SYPL1: variants seen among roughly 807,000 people sequenced by gnomAD.
SYPL1 encodes the protein synaptophysin like 1.
A neutral mutation model predicts 23.7 loss-of-function variants in SYPL1; 6 were observed. The ratio of observed to expected loss-of-function variants is 0.25; its 90% CI spans 0.14 to 0.50. The LOEUF (loss-of-function observed/expected upper bound fraction) is 0.50, where lower values mean the gene tolerates loss of function less well. SYPL1 is among the 20% of genes least tolerant of loss of function. The pLI, the probability that SYPL1 is intolerant of heterozygous loss-of-function variation, is 0.98. For synonymous variants in SYPL1, 102 were observed against 104.5 expected, an observed-to-expected ratio of 0.98 and a Z score of 0.15; for missense variants, 253 against 288.9, an observed-to-expected ratio of 0.88 and a Z score of 0.90.
intron 4 of SYPL1, 110 bp from the exon 5 acceptor site, chr7:106,092,049 G>A (rs1585932930): frequency 1.5e-5 from 16 of 1,077,748 alleles, no homozygotes; most frequent in East Asian, 2.6e-5. Flanking sequence ...TAGGAAGTAC[G>A]CCATTATTTC....
chr7:106,092,691 A>AAT, intron 4 of SYPL1: 1 of 505,884 alleles, frequency 2.0e-6, no homozygotes, highest in Non-Finnish European at 3.6e-6. Flanking sequence ...AAAAAAAAAA[A>AAT]GAAATTAATC....
chr7:106,111,488 G>A (rs1004822945), intron 1 of SYPL1, among the ~76,000 whole-genome samples: 1 of 152,198 alleles, frequency 6.6e-6, no homozygotes, highest in African/African-American at 2.4e-5. Flanking sequence ...TAAACAGGAT[G>A]TTGTTTGGAA....
intron 3 of SYPL1, among the ~76,000 whole-genome samples, chr7:106,094,986 G>A (rs564117630): frequency 7.2e-5 from 11 of 152,286 alleles, no homozygotes; most frequent in Non-Finnish European, 1.3e-4. Flanking sequence ...GCCACCTGGA[G>A]CTCTGCAATG....
intron 3 of SYPL1, among the ~76,000 whole-genome samples, chr7:106,093,512 C>T (rs1250533569): frequency 6.6e-6 from 1 of 152,108 alleles, no homozygotes; most frequent in Non-Finnish European, 1.5e-5. Context: ...TCCCATTTTC[C>T]CATAACACCT....
chr7:106,097,805 G>A lies in SYPL1; in HGVS notation c.287C>T (p.Ser96Phe). ...TGCAAAGGTAACATAGAATTGTGCAGAAGAAGAGTAATCGCCTATGAGGAC... is the reference window on the plus strand; with the variant it reads ...TGCAAAGGTAACATAGAATTGTGCAAAAGAAGAGTAATCGCCTATGAGGAC... ...DYVLIGDYSS[S>F]AQFYVTFAVF... Residue 96 changes from serine to phenylalanine, a missense_variant, in exon 3 of 5, where the codon TCT (serine) becomes TTT (phenylalanine). By Grantham distance (155) the Ser-to-Phe change is radical. Coordinates refer to ENST00000455385, the MANE Select transcript of SYPL1 (RefSeq NM_182715.4). The surrounding 1 kb of genome is among the most constrained non-coding windows in gnomAD (Gnocchi z 4.6). The A allele has an allele frequency of 6.2e-7, 1 of 1,614,088 alleles. No individual in the cohort carries two copies. Among genetic ancestry groups the A allele is most frequent in the Non-Finnish European group, 8.5e-7 (1 of 1,179,978 alleles).
rs1215054713 is a variant in SYPL1, at chr7:106,096,634, G to A, written c.402+1056C>T. Among the ~76,000 whole-genome samples the A allele has an allele frequency of 6.6e-6, 1 of 152,178 alleles. No individual in the cohort carries two copies. The highest frequency in any genetic ancestry group is 2.4e-5 in the African/African-American group (1 of 41,436). On this transcript the variant is annotated intron_variant, in intron 3 of 4. Coordinates refer to ENST00000455385, the MANE Select transcript of SYPL1 (RefSeq NM_182715.4). The surrounding 1 kb of genome is among the most constrained non-coding windows in gnomAD (Gnocchi z 4.4). ...TATTTCTAGCTCAGTAGGCTCTGAA[G>A]CCAAAAGTATAGGACTTCAAATCTA...
chr7:106,098,603 C>T (rs1840149911), intron 2 of SYPL1, among the ~76,000 whole-genome samples: 1 of 152,256 alleles, frequency 6.6e-6, no homozygotes, highest in Non-Finnish European at 1.5e-5. Context: ...AAACACAGGA[C>T]ATATTCAATA....
chr7:106,099,905 T>G (rs1840225601), intron 1 of SYPL1, among the ~76,000 whole-genome samples: 1 of 152,120 alleles, frequency 6.6e-6, no homozygotes, highest in South Asian at 2.1e-4. Context: ...TTTGCAAACC[T>G]CGACAAATGT....
intron 1 of SYPL1, among the ~76,000 whole-genome samples, chr7:106,103,558 T>C (rs1289424052): frequency 6.6e-6 from 1 of 152,236 alleles, no homozygotes; most frequent in African/African-American, 2.4e-5. Context: ...TCTAAATTGA[T>C]ATATACTCCA....
rs1205795828 is a variant in SYPL1 at position 106,100,815 on chromosome 7, C to T, written c.70-1533G>A. Among the ~76,000 whole-genome samples the T allele has an allele frequency of 6.6e-6, 1 of 152,190 alleles. No homozygotes were observed. Among genetic ancestry groups the T allele is most frequent in the African/African-American group, 2.4e-5 (1 of 41,458 alleles). ...GTAAGGCAGAAAATGTTATCCTTTGCTCAAAACCCTCCAATGGCTTTTGAG... is the reference window on the plus strand; with the variant it reads ...GTAAGGCAGAAAATGTTATCCTTTGTTCAAAACCCTCCAATGGCTTTTGAG... On this transcript the variant is annotated intron_variant, in intron 1 of 4. Coordinates refer to ENST00000455385, the MANE Select transcript of SYPL1 (RefSeq NM_182715.4). This position sits in a 1 kb window ranked among gnomAD's most constrained non-coding sequence, Gnocchi z 5.1.
At chr7:106,099,027 AAT>A in intron 2 of SYPL1, 129 bp downstream of exon 2, 1 of 1,119,850 alleles carries the variant, frequency 8.9e-7, no homozygotes, top group South Asian at 1.6e-5. Context: ...TTTGGGAGGT[AAT>A]GATCACTTAC....
chr7:106,112,430 C>G (rs1171555259), upstream of SYPL1: 12 of 1,261,782 alleles, frequency 9.5e-6, no homozygotes, highest in Non-Finnish European at 1.2e-5. Flanking sequence ...GCTGGGGAGG[C>G]GAGGGGCGGG....
At chr7:106,101,427 T>C (rs1357371117) in intron 1 of SYPL1, among the ~76,000 whole-genome samples, 1 of 111,920 alleles carries the variant, frequency 8.9e-6, no homozygotes, top group Non-Finnish European at 1.9e-5. Context: ...AGGGTTTGTT[T>C]TTTCCCATCC....
chr7:106,112,237 A>T lies in SYPL1; in HGVS notation c.-29T>A, dbSNP rs373409803. The T allele has an allele frequency of 5.3e-5, 81 of 1,523,988 alleles. No homozygotes were observed. Among genetic ancestry groups the T allele is most frequent in the Non-Finnish European group, 6.7e-5 (76 of 1,126,434 alleles). The allele number at this position is 1,523,988 out of a possible 1,614,324, so 94.4% of individuals were successfully genotyped here. Reference sequence around the variant, plus strand: ...CTGAGGAAAGGAGGGAGAGAGAGTCAGGACGACGGGGCGGAGGAGGGGACC... The same window carrying T: ...CTGAGGAAAGGAGGGAGAGAGAGTCTGGACGACGGGGCGGAGGAGGGGACC... On this transcript the variant is annotated 5_prime_UTR_variant, in exon 1 of 5. Transcript: ENST00000455385.
Position 106,097,350 on chromosome 7 carries a change from G to T in SYPL1, c.402+340C>A, listed in dbSNP as rs1233617990. Among the ~76,000 whole-genome samples, 1 of 152,152 alleles carries T rather than the reference G, an allele frequency of 6.6e-6. No individual in the cohort carries two copies. Among genetic ancestry groups the T allele is most frequent in the Admixed American group, 6.5e-5 (1 of 15,282 alleles). On this transcript the variant is annotated intron_variant, in intron 3 of 4. Coordinates refer to ENST00000455385, the MANE Select transcript of SYPL1 (RefSeq NM_182715.4). This position sits in a 1 kb window ranked among gnomAD's most constrained non-coding sequence, Gnocchi z 4.6. ...TTTAGAGAAAGAAAAAAAGTAAGAA[G>T]CAGAAAGAGTTATGAGACTATGTTG...
intron 1 of SYPL1, among the ~76,000 whole-genome samples, chr7:106,101,808 A>T (rs1182011289): frequency 1.3e-5 from 2 of 151,658 alleles, no homozygotes; most frequent in Non-Finnish European, 2.9e-5. Context: ...GAAATGAGAT[A>T]CACAAATTGA....
In SYPL1 at chr7:106,104,202, T is replaced by G. The variant is rs1840470421; in HGVS notation, c.70-4920A>C. On this transcript the variant is annotated intron_variant, in intron 1 of 4. Coordinates refer to ENST00000455385, the MANE Select transcript of SYPL1 (RefSeq NM_182715.4). The surrounding 1 kb of genome is among the most constrained non-coding windows in gnomAD (Gnocchi z 4.1). ...GCTATCATAGACATTAACTCTATTA[T>G]ATATGAACTCTACTATAGGCATTTT... is the stretch of plus-strand genomic sequence containing the variant. Among the ~76,000 whole-genome samples, 1 of 152,164 alleles carries G rather than the reference T, an allele frequency of 6.6e-6. No individual in the cohort carries two copies. The highest frequency in any genetic ancestry group is 2.4e-5 in the African/African-American group (1 of 41,434).
Position 106,092,964 on chromosome 7 carries a change from G to A in SYPL1, c.576C>T (p.Ser192=), listed in dbSNP as rs146188428. ...CYFGSVTSMG[S]LNVSVIFGFL... Reference sequence around the variant, plus strand: ...GCATACATACCACAGATACATTTAGGGATCCCATACTGGTCACAGAGCCAA... The same window carrying A: ...GCATACATACCACAGATACATTTAGAGATCCCATACTGGTCACAGAGCCAA... Residue 192 remains serine (S), a synonymous_variant, in exon 4 of 5, where the codon TCC becomes TCT. Coordinates refer to ENST00000455385, the MANE Select transcript of SYPL1 (RefSeq NM_182715.4). 6 of 1,585,550 alleles carry A rather than the reference G, an allele frequency of 3.8e-6. No homozygotes were observed. In the African/African-American group the frequency reaches 8.2e-5, roughly 22 times the overall value.
upstream of SYPL1, chr7:106,112,516 A>ATGC: frequency 6.6e-7 from 1 of 1,522,998 alleles, no homozygotes; most frequent in South Asian, 1.3e-5. Context: ...AACCAAGTAG[A>ATGC]TGTTGGGCGC....
Sources: gnomAD v4.1 joint callset for allele counts (sites outside exome capture counted in the v4.1 genomes callset) on GRCh38, gnomAD v4.1.1 for gene constraint, Gnocchi (gnomAD v3.1) non-coding constraint, MANE v1.5 for transcripts, NCBI Gene and HGNC (gene_info 2026-07-23, HGNC 2026-07-21) for gene names.